CHODL: variants seen among roughly 807,000 people sequenced by gnomAD.
CHODL encodes transmembrane protein MT75.
CHODL carries 29 observed loss-of-function variants against 34.5 expected under a neutral mutation model. The observed-to-expected ratio is 0.84, with a 90% confidence interval of 0.63 to 1.15. The LOEUF is 1.15. Ranked by LOEUF, CHODL falls within the 50% of genes most tolerant of loss-of-function variation. The pLI is 0.00. For missense variants in CHODL, 332 were observed against 332.5 expected, an observed-to-expected ratio of 1.00 and a Z score of 0.01; for synonymous variants, 125 against 116.1, an observed-to-expected ratio of 1.08 and a Z score of -0.49.
rs148493206 is a variant in CHODL, at chr21:18,265,989, C to T, written c.773C>T (p.Thr258Ile). The stretch of plus-strand genomic sequence containing the variant: ...ACAAAAACTAGTCCAAACCAGTCTA[C>T]ACTGTGGATTTCAAAGAGTACCAGA... ...GRTKTSPNQS[T>I]LWISKSTRKE... Residue 258 changes from threonine to isoleucine, a missense_variant, in exon 6 of 6, where the codon ACA becomes ATA. Thr to Ile is a moderately conservative substitution (Grantham distance 89). Transcript: ENST00000299295. The T allele has an allele frequency of 6.2e-7, 1 of 1,613,540 alleles. No homozygotes were observed. The highest frequency in any genetic ancestry group is 1.7e-4 in the Middle Eastern group (1 of 6,058).
chr21:17,961,288 A>G (rs537860198), intron 1 of CHODL, among the ~76,000 whole-genome samples: 66 of 152,322 alleles, frequency 4.3e-4, no homozygotes, highest in Non-Finnish European at 8.5e-4. Context: ...GTCCATATGC[A>G]TATCAGTTCA....
chr21:18,004,769 G>T (rs1441796182), intron 1 of CHODL, among the ~76,000 whole-genome samples: 6 of 151,004 alleles, frequency 4.0e-5, no homozygotes, highest in African/African-American at 9.7e-5. Flanking sequence ...TTTTAAATAT[G>T]TAAAACAGAA....
intron 1 of CHODL, among the ~76,000 whole-genome samples, chr21:18,252,400 C>T (rs1254236155): frequency 2.0e-5 from 3 of 152,122 alleles, no homozygotes; most frequent in Non-Finnish European, 4.4e-5. Context: ...TTGGCTTTTA[C>T]AGAAGTGGGA....
intron 2 of CHODL, among the ~76,000 whole-genome samples, chr21:18,115,875 C>T (rs2065406439): frequency 6.6e-6 from 1 of 152,166 alleles, no homozygotes; most frequent in African/African-American, 2.4e-5. Flanking sequence ...TTTTCCCACT[C>T]TGCTACAACT....
intron 1 of CHODL, among the ~76,000 whole-genome samples, chr21:18,248,684 ATAT>A (rs2074179382): frequency 1.6e-5 from 2 of 122,206 alleles, no homozygotes; most frequent in Non-Finnish European, 3.2e-5. Flanking sequence ...ATATATGTAT[ATAT>A]TATATACATA....
At chr21:18,075,381 C>T (rs1046259623) in intron 2 of CHODL, among the ~76,000 whole-genome samples, 2 of 152,100 alleles carry the variant, frequency 1.3e-5, no homozygotes, top group Non-Finnish European at 2.9e-5. Context: ...CTGCAAATGT[C>T]AAAATAAATT....
chr21:18,229,173 G>C (rs187329676), intron 2 of CHODL, among the ~76,000 whole-genome samples: 48 of 152,284 alleles, frequency 3.2e-4, no homozygotes, highest in Non-Finnish European at 6.0e-4. Flanking sequence ...AAAGAGGGCA[G>C]TATCAGATGA....
chr21:18,134,217 C>A (rs1334375664), intron 2 of CHODL: 8 of 452,662 alleles, frequency 1.8e-5, no homozygotes, highest in Non-Finnish European at 3.6e-5. Context: ...GAGGTTACCA[C>A]TCTTTTGTTA....
At chr21:18,193,712 A>AT (rs1555881308) in intron 2 of CHODL, among the ~76,000 whole-genome samples, 32 of 139,306 alleles carry the variant, frequency 2.3e-4, no homozygotes, top group African/African-American at 9.0e-4. Flanking sequence ...AAAAAAAAAT[A>AT]AAATAAATAA....
chr21:17,976,270 G>GAAAAAAAAAA (rs71318119), intron 1 of CHODL, among the ~76,000 whole-genome samples: 1 of 66,536 alleles, frequency 1.5e-5, no homozygotes, highest in Non-Finnish European at 3.2e-5. Flanking sequence ...GACCATCTCA[G>GAAAAAAAAAA]AAAAAAAAAA....
At chr21:17,928,732 G>A (rs2063247785) in intron 1 of CHODL, among the ~76,000 whole-genome samples, 1 of 152,190 alleles carries the variant, frequency 6.6e-6, no homozygotes, top group Non-Finnish European at 1.5e-5. Context: ...TGGAAACCAA[G>A]TCTGTAGAAT....
At chr21:18,222,369 C>A (rs561143162) in intron 2 of CHODL, among the ~76,000 whole-genome samples, 3 of 152,210 alleles carry the variant, frequency 2.0e-5, no homozygotes, top group Non-Finnish European at 4.4e-5. Flanking sequence ...GGCTTCAGGG[C>A]AGGATGTAGT....
intron 2 of CHODL, among the ~76,000 whole-genome samples, chr21:18,085,488 G>T (rs1453544567): frequency 1.3e-5 from 2 of 152,060 alleles, no homozygotes; most frequent in Non-Finnish European, 2.9e-5. Context: ...TTTTATGATG[G>T]TGAATAGCAA....
intron 1 of CHODL, among the ~76,000 whole-genome samples, chr21:17,919,041 G>C (rs1045505885): frequency 1.1e-4 from 16 of 152,216 alleles, no homozygotes; most frequent in African/African-American, 3.9e-4. Flanking sequence ...CCATCCCCTT[G>C]GGCAGCTCTG....
intron 1 of CHODL, among the ~76,000 whole-genome samples, chr21:17,941,745 C>T (rs1251268243): frequency 6.6e-6 from 1 of 152,070 alleles, no homozygotes; most frequent in Non-Finnish European, 1.5e-5. Flanking sequence ...AACAAAATAC[C>T]ATAAACTGGG....
chr21:18,266,151 T>G lies in CHODL; in HGVS notation c.*113T>G. The stretch of plus-strand genomic sequence containing the variant: ...CACAAAGGATCTGCAAGATGAACTG[T>G]AAGCTCCCCCTTGAGGCAAATATTA... On this transcript the variant is annotated 3_prime_UTR_variant, in exon 6 of 6. Transcript: ENST00000299295. 6.3e-7 allele frequency: 1 copy of G among 1,594,840 alleles called. No individual in the cohort carries two copies. Among genetic ancestry groups the G allele is most frequent in the Non-Finnish European group, 8.6e-7 (1 of 1,168,696 alleles).
rs138589985 is a variant in CHODL at position 17,982,944 on chromosome 21, C to T, written c.-144-44928C>T. ...TTCACCATGTTGGCCAGGCTGGCCT[C>T]GAACTCCTGACCTTAAGTGATCTGC... On this transcript the variant is annotated intron_variant, in intron 1 of 6. Coordinates refer to the CHODL transcript ENST00000400127. 5.9e-3 allele frequency among the ~76,000 whole-genome samples: 896 copies of T among 152,044 alleles called. 8 individuals are homozygous for T. Among genetic ancestry groups the T allele is most frequent in the African/African-American group, 0.014 (597 of 41,502 alleles).
At chr21:18,073,245 T>C (rs1326813607) in intron 2 of CHODL, among the ~76,000 whole-genome samples, 3 of 152,138 alleles carry the variant, frequency 2.0e-5, no homozygotes, top group African/African-American at 7.2e-5. Flanking sequence ...AGCTTAAAAG[T>C]TTTTAAATTA....
At chr21:18,245,349 C>G in intron 1 of CHODL, 47 bp downstream of exon 1, 1 of 1,434,358 alleles carries the variant, frequency 7.0e-7, no homozygotes. Context: ...GAGAGGGGAC[C>G]ACGGGGCGCG....
Sources: allele counts gnomAD v4.1 joint callset (sites outside exome capture counted in the v4.1 genomes callset), GRCh38; gene constraint gnomAD v4.1.1; transcripts MANE v1.5; gene names NCBI Gene and HGNC (gene_info 2026-07-23, HGNC 2026-07-21).